Variants in VRK1 observed in about 807,000 individuals in gnomAD.
VRK1 encodes the protein VRK serine/threonine kinase 1.
VRK1 carries 33 observed loss-of-function variants against 57.1 expected under a neutral mutation model. The observed-to-expected ratio is 0.58, with a 90% CI of 0.44 to 0.77. The LOEUF is 0.77. Among genes scored for constraint, VRK1 ranks in the 30% least tolerant of loss-of-function variants. The pLI is 0.00. For missense variants in VRK1, 413 were observed against 477.3 expected (o/e 0.87, Z 1.25); for synonymous variants, 137 against 147.8 (o/e 0.93, Z 0.53).
intron 1 of VRK1, among the ~76,000 whole-genome samples, chr14:96,824,628 TGATAGCAGA>T (rs944000001): frequency 2.6e-5 from 4 of 151,704 alleles, no homozygotes; most frequent in African/African-American, 9.7e-5. Context: ...AAAGAAAGGA[TGATAGCAGA>T]GATAGCAGAG....
At chr14:96,870,597 T>C (rs758481763) in intron 11 of VRK1, among the ~76,000 whole-genome samples, 6 of 152,224 alleles carry the variant, frequency 3.9e-5, no homozygotes, top group African/African-American at 4.8e-5. Flanking sequence ...TAAAGTTTCA[T>C]GATCTCCTTG....
At chr14:96,838,572 C>G (rs1887315026) in intron 3 of VRK1, among the ~76,000 whole-genome samples, 1 of 100 alleles carries the variant, frequency 0.01, no homozygotes. Context: ...TACTTTTTCT[C>G]TACGGGATAC....
intron 1 of VRK1, among the ~76,000 whole-genome samples, chr14:96,831,409 T>G (rs1305086922): frequency 6.6e-6 from 1 of 152,234 alleles, no homozygotes; most frequent in Non-Finnish European, 1.5e-5. Context: ...CTTCAGGAGC[T>G]GTGATTTAGA....
intron 3 of VRK1, 65 bp downstream of exon 3, chr14:96,837,882 C>CT: frequency 1.7e-6 from 2 of 1,165,240 alleles, no homozygotes; most frequent in Non-Finnish European, 1.2e-6. Context: ...TGTAAAATGC[C>CT]TTTTTTGATT....
intron 1 of VRK1, among the ~76,000 whole-genome samples, chr14:96,810,944 T>C (rs200585850): frequency 6.7e-6 from 1 of 148,586 alleles, no homozygotes; most frequent in Non-Finnish European, 1.5e-5. Flanking sequence ...TTTTTTTTTT[T>C]AATTTTTTTT....
chr14:96,872,953 A>G (rs147346548), intron 11 of VRK1, among the ~76,000 whole-genome samples: 262 of 152,254 alleles, frequency 1.7e-3, no homozygotes, highest in African/African-American at 6.0e-3. Context: ...TTTGTTCTAA[A>G]CTGTGTTCTA....
At chr14:96,808,659 T>C (rs1447591738) in intron 1 of VRK1, among the ~76,000 whole-genome samples, 1 of 117,748 alleles carries the variant, frequency 8.5e-6, no homozygotes, top group Non-Finnish European at 1.8e-5. Flanking sequence ...CCCTCTGGAC[T>C]TTTTTTTTTT....
At chr14:96,881,112 T>C in intron 12 of VRK1, 65 bp from the exon 13 acceptor site, 1 of 1,341,548 alleles carries the variant, frequency 7.5e-7, no homozygotes, top group Non-Finnish European at 1.0e-6. Context: ...GATATTTATA[T>C]TTCTGTTCTT....
intron 1 of VRK1, among the ~76,000 whole-genome samples, chr14:96,826,639 T>C (rs1886810295): frequency 6.6e-6 from 1 of 152,366 alleles, no homozygotes; most frequent in South Asian, 2.1e-4. Flanking sequence ...TGCCTTTCGG[T>C]ATATTCATTA....
intron 12 of VRK1, among the ~76,000 whole-genome samples, chr14:96,878,473 A>C (rs1361840738): frequency 6.6e-6 from 1 of 152,220 alleles, no homozygotes; most frequent in South Asian, 2.1e-4. Flanking sequence ...TATGATTTAC[A>C]GTATGGTAAG....
chr14:96,832,817 A>G (rs780768607), intron 1 of VRK1, among the ~76,000 whole-genome samples: 2 of 152,158 alleles, frequency 1.3e-5, no homozygotes, highest in African/African-American at 4.8e-5. Context: ...CCTTCCTCAC[A>G]GTGACTTCCA....
At chr14:96,808,019 G>GTCTCTCTCTC (rs1566683621) in intron 1 of VRK1, among the ~76,000 whole-genome samples, 1 of 34,246 alleles carries the variant, frequency 2.9e-5, no homozygotes, top group South Asian at 1.1e-3. Context: ...CTCTCCCTCT[G>GTCTCTCTCTC]TGTGTGTGTG....
intron 4 of VRK1, 22 bp from the exon 5 acceptor site, chr14:96,847,235 A>G (rs1454083768): frequency 6.2e-6 from 10 of 1,600,942 alleles, no homozygotes; most frequent in Non-Finnish European, 8.6e-6. Context: ...TTGAAATCAC[A>G]AAGATCTGTT....
chr14:96,815,068 C>A (rs1454835321), intron 1 of VRK1, among the ~76,000 whole-genome samples: 1 of 152,164 alleles, frequency 6.6e-6, no homozygotes, highest in African/African-American at 2.4e-5. Flanking sequence ...AGGGAGTATG[C>A]ATTTAAAATT....
intron 3 of VRK1, among the ~76,000 whole-genome samples, chr14:96,838,314 T>G (rs1887303075): frequency 6.6e-6 from 1 of 152,176 alleles, no homozygotes; most frequent in Non-Finnish European, 1.5e-5. Context: ...GAAATTAGTT[T>G]GTAATGAGTA....
intron 1 of VRK1, among the ~76,000 whole-genome samples, chr14:96,816,368 A>G (rs1312551752): frequency 6.6e-6 from 1 of 152,190 alleles, no homozygotes. Flanking sequence ...TACCCATTAC[A>G]GTTTTATCTT....
In VRK1 at chr14:96,814,278, A is replaced by G. The variant is rs574701443; in HGVS notation, c.-6+16831A>G. 5.9e-5 allele frequency among the ~76,000 whole-genome samples: 9 copies of G among 152,282 alleles called. No homozygotes were observed. In the South Asian group the frequency reaches 8.3e-4, roughly 14 times the overall value. On this transcript the variant is annotated intron_variant, in intron 1 of 12. Coordinates refer to ENST00000216639, the MANE Select transcript of VRK1 (RefSeq NM_003384.3). ...AAGACTGACCTCATCTTTATCTTCA[A>G]AACATGAAGGTATGATCCTGTCTGC...
At chr14:96,854,414 T>C (rs537168062) in intron 7 of VRK1, among the ~76,000 whole-genome samples, 1 of 152,292 alleles carries the variant, frequency 6.6e-6, no homozygotes, top group Admixed American at 6.5e-5. Context: ...GTTAGATGTA[T>C]GTGCTAGATC....
chr14:96,857,269 G>A (rs557894729), intron 10 of VRK1, among the ~76,000 whole-genome samples: 2 of 152,118 alleles, frequency 1.3e-5, no homozygotes, highest in African/African-American at 2.4e-5. Context: ...AGGGGGATGG[G>A]GATGGGGTGG....
Sources: allele counts gnomAD v4.1 joint callset (sites outside exome capture counted in the v4.1 genomes callset), GRCh38; gene constraint gnomAD v4.1.1; transcripts MANE v1.5; gene names NCBI Gene and HGNC (gene_info 2026-07-23, HGNC 2026-07-21).